The following CCDC14 variants were observed in gnomAD, a reference collection of about 807,000 sequenced individuals.
CCDC14 encodes the protein coiled-coil domain-containing protein 14.
A neutral mutation model predicts 81.4 loss-of-function variants in CCDC14; 71 were observed. The observed-to-expected ratio is 0.87, with a 90% CI of 0.72 to 1.06. The LOEUF (loss-of-function observed/expected upper bound fraction) is 1.06, where lower values mean the gene tolerates loss of function less well. CCDC14 is among the 50% of genes least tolerant of loss of function. The pLI is 0.00. For missense variants in CCDC14, 1,046 were observed against 1,047.3 expected, an observed-to-expected ratio of 1.00 and a Z score of 0.02; for synonymous variants, 332 against 364.8, an observed-to-expected ratio of 0.91 and a Z score of 1.03.
downstream of CCDC14, among the ~76,000 whole-genome samples, chr3:123,909,829 GT>G (rs2034402722): frequency 6.6e-6 from 1 of 152,200 alleles, no homozygotes; most frequent in South Asian, 2.1e-4. Flanking sequence ...AAAGTTTCCA[GT>G]GGTCATGAGA....
intron 12 of CCDC14, among the ~76,000 whole-genome samples, chr3:123,924,627 T>C (rs1053516197): frequency 1.3e-5 from 2 of 152,008 alleles, no homozygotes; most frequent in African/African-American, 4.8e-5. Context: ...CAAAGGACAT[T>C]TCTCCATTTA....
At chr3:123,933,904 A>C (rs1297153379) in intron 9 of CCDC14, 149 bp from the exon 10 acceptor site, 1 of 585,880 alleles carries the variant, frequency 1.7e-6, no homozygotes, top group Non-Finnish European at 3.0e-6. Context: ...TAAATAAACA[A>C]AACAAAAACA....
intron 12 of CCDC14, among the ~76,000 whole-genome samples, chr3:123,926,152 AAAGG>A (rs1197260967): frequency 6.6e-6 from 1 of 152,176 alleles, no homozygotes; most frequent in Non-Finnish European, 1.5e-5. Flanking sequence ...AGAGATAAAG[AAAGG>A]AAGGGACAAT....
Position 123,950,729 on chromosome 3 carries a change from G to A in CCDC14, c.353-1597C>T, listed in dbSNP as rs964327551. Among the ~76,000 whole-genome samples the A allele has an allele frequency of 3.9e-5, 6 of 151,944 alleles. No individual in the cohort carries two copies. In the South Asian group the frequency reaches 6.2e-4, roughly 16 times the overall value. ...AGGTGGTGGCTACAGGGGTGTATAC[G>A]TATGCAAAAATTTATTGAGATTTAT... On this transcript the variant is annotated intron_variant, in intron 5 of 12. Transcript: ENST00000409697.
chr3:123,939,228 C>G (rs4289303), intron 9 of CCDC14, among the ~76,000 whole-genome samples: 1 of 151,798 alleles, frequency 6.6e-6, no homozygotes, highest in Non-Finnish European at 1.5e-5. Context: ...AAATGATATT[C>G]TATGATCCCC....
chr3:123,949,051 C>G lies in CCDC14; in HGVS notation c.434G>C (p.Trp145Ser), dbSNP rs768719763. Residue 145 changes from tryptophan (W) to serine (S), a missense_variant, in exon 6 of 13, where the codon TGG (tryptophan) becomes TCG (serine). Trp to Ser is a radical substitution (Grantham distance 177). Coordinates refer to ENST00000409697, the MANE Select transcript of CCDC14 (RefSeq NM_001366335.1). Reference sequence around the variant, plus strand: ...CATTCTATAATGATCTTGCAATGACCAGTTTTGCTCTAGGTCTGATGTGTC... The same window carrying G: ...CATTCTATAATGATCTTGCAATGACGAGTTTTGCTCTAGGTCTGATGTGTC... Reference protein sequence around the residue: ...ERDTSDLEQNWSLQDHYRMYS... With the variant: ...ERDTSDLEQNSSLQDHYRMYS... 6.2e-7 allele frequency: 1 copy of G among 1,613,402 alleles called. No homozygotes were observed. Among genetic ancestry groups the G allele is most frequent in the Non-Finnish European group, 8.5e-7 (1 of 1,179,616 alleles).
At position 123,913,509 on chromosome 3, in the gene CCDC14, T is replaced by A; in HGVS notation, c.*1270A>T. On this transcript the variant is annotated 3_prime_UTR_variant, in exon 13 of 13. Coordinates refer to ENST00000409697, the MANE Select transcript of CCDC14 (RefSeq NM_001366335.1). ...ACCTCCAAATAAGATGCCAATAAAT[T>A]AATTCATGAATACTAAATAAAATTA... The A allele has an allele frequency of 2.0e-6, 2 of 980,552 alleles. No individual in the cohort carries two copies. The highest frequency in any genetic ancestry group is 2.4e-6 in the Non-Finnish European group (2 of 825,632). The allele number at this position is 980,552 out of a possible 1,614,324, so 60.7% of individuals were successfully genotyped here.
intron 9 of CCDC14, among the ~76,000 whole-genome samples, chr3:123,935,077 C>T (rs968417213): frequency 6.6e-6 from 1 of 152,176 alleles, no homozygotes. Flanking sequence ...ATTTAAAGAA[C>T]TCCTACAAAT....
chr3:123,893,657 C>T (rs1351267573), downstream of CCDC14, among the ~76,000 whole-genome samples: 2 of 152,044 alleles, frequency 1.3e-5, no homozygotes, highest in Admixed American at 6.5e-5. Context: ...CGAACTGTTT[C>T]GATGGCTGTA....
the CCDC14 span, among the ~76,000 whole-genome samples, chr3:123,886,866 T>G: frequency 2.0e-5 from 3 of 152,232 alleles, no homozygotes; most frequent in Non-Finnish European, 2.9e-5. Context: ...AATATTTTCA[T>G]CAGTTTATAT....
intron 1 of CCDC14, among the ~76,000 whole-genome samples, chr3:123,960,370 T>C (rs904889038): frequency 3.9e-5 from 6 of 152,212 alleles, no homozygotes; most frequent in Admixed American, 1.3e-4. Flanking sequence ...TTCAAAGTCA[T>C]ACATCTACTA....
At chr3:123,951,782 CAACT>C (rs560545973) in intron 5 of CCDC14, among the ~76,000 whole-genome samples, 107 of 152,176 alleles carry the variant, frequency 7.0e-4, no homozygotes, top group Non-Finnish European at 1.3e-3. Context: ...CAGATGTCAT[CAACT>C]AACATAAATT....
chr3:123,938,599 C>A (rs2036183214), intron 9 of CCDC14, among the ~76,000 whole-genome samples: 1 of 151,800 alleles, frequency 6.6e-6, no homozygotes, highest in Admixed American at 6.6e-5. Context: ...TTTCTTCTTG[C>A]CTTACTGCAC....
chr3:123,948,764 G>C lies in CCDC14; in HGVS notation c.611C>G (p.Ser204Cys), dbSNP rs1463737754. The C allele has an allele frequency of 3.1e-6, 5 of 1,597,524 alleles. No homozygotes were observed. The African/African-American group carries it at 6.8e-5, about 22-fold the overall frequency. The change falls in exon 7 of 13, where the codon TCT becomes TGT. Residue 204 changes from serine (S) to cysteine (C), a missense_variant. Transcript: ENST00000409697. ...SHSESQATPH[S>C]SYGLCTSTPV... ...GGTGGAGGTACATAAGCCATAACTAGAATGAGGAGTTGCCTGAGATTCTGT... is the reference window on the plus strand; with the variant it reads ...GGTGGAGGTACATAAGCCATAACTACAATGAGGAGTTGCCTGAGATTCTGT...
downstream of CCDC14, among the ~76,000 whole-genome samples, chr3:123,908,794 A>G (rs191691927): frequency 1.1e-4 from 17 of 152,134 alleles, no homozygotes; most frequent in Non-Finnish European, 2.1e-4. Flanking sequence ...AATGATCACA[A>G]GCTTTGTGTT....
intron 12 of CCDC14, among the ~76,000 whole-genome samples, chr3:123,926,716 A>T (rs2035384645): frequency 6.6e-6 from 1 of 152,056 alleles, no homozygotes; most frequent in Non-Finnish European, 1.5e-5. Flanking sequence ...GAAGGAAAAG[A>T]AAGAGGGTTT....
chr3:123,948,639 A>C, intron 7 of CCDC14, 52 bp downstream of exon 7: 1 of 1,307,804 alleles, frequency 7.6e-7, no homozygotes, highest in Non-Finnish European at 1.1e-6. Context: ...GTCCCTCCTG[A>C]ATGACTGCTA....
At chr3:123,919,589 C>G (rs139127637) in intron 12 of CCDC14, among the ~76,000 whole-genome samples, 3 of 152,224 alleles carry the variant, frequency 2.0e-5, no homozygotes, top group Admixed American at 6.5e-5. Context: ...CACTGGTTGA[C>G]GGAGCACAGC....
Position 123,956,782 on chromosome 3 carries a change from C to A in CCDC14, c.44G>T (p.Gly15Val). 6.5e-7 allele frequency: 1 copy of A among 1,542,392 alleles called. No individual in the cohort carries two copies. The highest frequency in any genetic ancestry group is 2.5e-5 in the East Asian group (1 of 40,724). ...TAATTTAGCAGGTCCAGTGTGCCTT[C>A]CTGAAGATAACACCTATGACATAAT... is the stretch of plus-strand genomic sequence containing the variant. ...GARPGQVLSSGRHTGPAKLTN... is the reference protein window; with the variant it reads ...GARPGQVLSSVRHTGPAKLTN... The change falls in exon 2 of 13, where the codon GGA becomes GTA. Residue 15 changes from glycine (G) to valine (V), a missense_variant. Gly to Val is a moderately radical substitution (Grantham distance 109, BLOSUM62 -3). Transcript: ENST00000409697.
Sources: allele counts gnomAD v4.1 joint callset (sites outside exome capture counted in the v4.1 genomes callset), GRCh38; gene constraint gnomAD v4.1.1; transcripts MANE v1.5; gene names NCBI Gene and HGNC (gene_info 2026-07-23, HGNC 2026-07-21).